Variants in MYO1H observed in about 807,000 individuals in gnomAD.
MYO1H encodes myosin IH, also known as unconventional myosin-Ih.
In MYO1H, 118 loss-of-function variants were observed where a neutral mutation model predicts 149.3. The observed-to-expected ratio is 0.79, with a 90% CI of 0.68 to 0.92. The LOEUF (loss-of-function observed/expected upper bound fraction) is 0.92. Among genes scored for constraint, MYO1H ranks in the 40% least tolerant of loss-of-function variants. The pLI is 0.00. For missense variants in MYO1H, 1,212 were observed against 1,280.7 expected (o/e 0.95, Z 0.82); for synonymous variants, 447 against 465.2 (o/e 0.96, Z 0.50).
intron 1 of MYO1H, among the ~76,000 whole-genome samples, chr12:109,368,070 T>G (rs1428265002): frequency 6.6e-6 from 1 of 152,218 alleles, no homozygotes; most frequent in Non-Finnish European, 1.5e-5. Flanking sequence ...CCAAATTGTC[T>G]TGACCTAGCA....
At chr12:109,318,983 T>TTTTTTGG in the MYO1H span, among the ~76,000 whole-genome samples, 3 of 144,824 alleles carry the variant, frequency 2.1e-5, no homozygotes, top group African/African-American at 7.8e-5. Flanking sequence ...TTTTTTTTTT[T>TTTTTTGG]TTTTTTTTTT....
the MYO1H span, among the ~76,000 whole-genome samples, chr12:109,322,399 G>A: frequency 6.6e-6 from 1 of 152,110 alleles, no homozygotes; most frequent in Admixed American, 6.5e-5. Context: ...AAAATATTAA[G>A]TGTTTTAATT....
At chr12:109,329,048 T>G in the MYO1H span, among the ~76,000 whole-genome samples, 8 of 142,366 alleles carry the variant, frequency 5.6e-5, no homozygotes, top group African/African-American at 1.9e-4. Flanking sequence ...TTTTTTTTTT[T>G]GCAAATCTGT....
exon 15 of MYO1H, chr12:109,415,616 C>A: frequency 6.3e-7 from 1 of 1,595,596 alleles, no homozygotes; most frequent in Non-Finnish European, 8.5e-7. Flanking sequence ...CATACTGCAC[C>A]AAGGGTGAGT....
chr12:109,434,181 TG>T (rs1470698627), intron 20 of MYO1H, among the ~76,000 whole-genome samples: 1 of 152,156 alleles, frequency 6.6e-6, no homozygotes, highest in African/African-American at 2.4e-5. Flanking sequence ...GGCTAATTTT[TG>T]TATTTTTAGT....
chr12:109,412,888 C>G (rs1419063375), intron 14 of MYO1H, among the ~76,000 whole-genome samples: 1 of 151,898 alleles, frequency 6.6e-6, no homozygotes, highest in Non-Finnish European at 1.5e-5. Flanking sequence ...TGGGTTTAAA[C>G]GATTCTCCTG....
intron 20 of MYO1H, among the ~76,000 whole-genome samples, chr12:109,433,512 C>G (rs1273671656): frequency 1.3e-5 from 2 of 152,202 alleles, no homozygotes; most frequent in Non-Finnish European, 2.9e-5. Flanking sequence ...TCGGGAAGAT[C>G]CGAGTCCGTC....
exon 30 of MYO1H, chr12:109,444,520 T>C (rs760369476): frequency 2.5e-6 from 4 of 1,613,514 alleles, no homozygotes; most frequent in Non-Finnish European, 3.4e-6. Flanking sequence ...GTCAATGTTG[T>C]TCAAGGAAGG....
intron 1 of MYO1H, among the ~76,000 whole-genome samples, chr12:109,355,273 C>T (rs1055724939): frequency 5.9e-5 from 9 of 152,252 alleles, no homozygotes; most frequent in African/African-American, 2.2e-4. Context: ...ATTCTCCTTA[C>T]GTGCAATCTT....
chr12:109,321,871 AAG>A, the MYO1H span, among the ~76,000 whole-genome samples: 1 of 152,182 alleles, frequency 6.6e-6, no homozygotes, highest in South Asian at 2.1e-4. Context: ...CATTCCAGAA[AAG>A]AGTTTTGCAG....
At chr12:109,417,673 C>T (rs553480236) in intron 15 of MYO1H, among the ~76,000 whole-genome samples, 1 of 152,186 alleles carries the variant, frequency 6.6e-6, no homozygotes, top group East Asian at 1.9e-4. Context: ...GAAGTGGTAT[C>T]TCATTGTGCT....
intron 5 of MYO1H, among the ~76,000 whole-genome samples, chr12:109,398,241 A>ATCG: frequency 1.3e-5 from 2 of 152,202 alleles, no homozygotes; most frequent in Non-Finnish European, 1.5e-5. Context: ...AGCACTGCTC[A>ATCG]TCATGAGCAA....
At chr12:109,341,141 T>C in the MYO1H span, among the ~76,000 whole-genome samples, 1 of 146,028 alleles carries the variant, frequency 6.8e-6, no homozygotes, top group Admixed American at 7.4e-5. Context: ...TGAGCCAAGA[T>C]TGTGCCACTT....
intron 17 of MYO1H, 71 bp from the exon 18 acceptor site, chr12:109,425,875 C>G (rs992738976): frequency 8.7e-7 from 1 of 1,143,938 alleles, no homozygotes; most frequent in African/African-American, 1.5e-5. Flanking sequence ...CCTGGCCAGT[C>G]TTTTTGTATT....
At chr12:109,317,650 A>T in the MYO1H span, among the ~76,000 whole-genome samples, 5 of 152,250 alleles carry the variant, frequency 3.3e-5, no homozygotes, top group South Asian at 1.0e-3. Flanking sequence ...TTGCACCTGA[A>T]TGTCTGTGTC....
intron 1 of MYO1H, among the ~76,000 whole-genome samples, chr12:109,373,020 AG>A (rs1869020166): frequency 6.6e-6 from 1 of 152,208 alleles, no homozygotes; most frequent in African/African-American, 2.4e-5. Flanking sequence ...CAATATCTTA[AG>A]GGGAGTTATT....
At chr12:109,319,087 C>T in the MYO1H span, among the ~76,000 whole-genome samples, 10 of 141,754 alleles carry the variant, frequency 7.1e-5, no homozygotes, top group Non-Finnish European at 1.4e-4. Flanking sequence ...ATACCCAAAA[C>T]AATGGAAAGC....
Position 109,443,499 on chromosome 12 carries a change from A to G in MYO1H, c.2689-15A>G, listed in dbSNP as rs908541416. 2 of 1,611,610 alleles carry G rather than the reference A, an allele frequency of 1.2e-6. No homozygotes were observed. Among genetic ancestry groups the G allele is most frequent in the Admixed American group, 1.7e-5 (1 of 59,946 alleles). ...CTGCCCCACCTTCCCTGGTGAAGTCACCTTCCCCTTGCAGTATGGTGTCCC... is the reference window on the plus strand; with the variant it reads ...CTGCCCCACCTTCCCTGGTGAAGTCGCCTTCCCCTTGCAGTATGGTGTCCC... On this transcript the variant is annotated splice_polypyrimidine_tract_variant and intron_variant, in intron 27 of 31. Transcript: ENST00000310903.
chr12:109,431,547 T>A (rs1871617888), intron 19 of MYO1H, among the ~76,000 whole-genome samples: 1 of 152,190 alleles, frequency 6.6e-6, no homozygotes, highest in Non-Finnish European at 1.5e-5. Flanking sequence ...ACTGTTCATG[T>A]CACACAGGTG....
Sources: allele counts gnomAD v4.1 joint callset (sites outside exome capture counted in the v4.1 genomes callset), GRCh38; gene constraint gnomAD v4.1.1; transcripts MANE v1.5; gene names NCBI Gene and HGNC (gene_info 2026-07-23, HGNC 2026-07-21).